Variants in DGKB observed in about 807,000 individuals in gnomAD.
The protein encoded by DGKB is diacylglycerol kinase beta, also known as 90 kDa diacylglycerol kinase.
A neutral mutation model predicts 114.3 loss-of-function variants in DGKB; 67 were observed. The observed-to-expected ratio is 0.59, with a 90% CI of 0.48 to 0.72. DGKB has a LOEUF of 0.72. Among genes scored for constraint, DGKB ranks in the 30% least tolerant of loss-of-function variants. The probability of loss-of-function intolerance (pLI) is 0.00; values close to 1 mark genes in which losing one functional copy is unlikely to be tolerated. For synonymous variants in DGKB, 398 were observed against 323.1 expected (o/e 1.23, Z -2.49); for missense variants, 907 against 975.2 (o/e 0.93, Z 0.93).
chr7:14,626,194 T>C, intron 14 of DGKB, among the ~76,000 whole-genome samples: 1 of 152,206 alleles, frequency 6.6e-6, no homozygotes, highest in East Asian at 1.9e-4. Context: ...ACCACAATAC[T>C]TAAGCCTGCT....
intron 13 of DGKB, among the ~76,000 whole-genome samples, chr7:14,633,460 A>G (rs1345398434): frequency 6.6e-6 from 1 of 151,912 alleles, no homozygotes; most frequent in Non-Finnish European, 1.5e-5. Context: ...CAAAATGTGT[A>G]AAGAGTTATA....
chr7:14,925,470 A>C (rs1784699404), intron 1 of DGKB, among the ~76,000 whole-genome samples: 1 of 152,172 alleles, frequency 6.6e-6, no homozygotes, highest in African/African-American at 2.4e-5. Flanking sequence ...GAAAGGGATT[A>C]AACTTATAGG....
At chr7:14,704,111 T>G (rs908960794) in intron 6 of DGKB, among the ~76,000 whole-genome samples, 3 of 151,904 alleles carry the variant, frequency 2.0e-5, no homozygotes, top group Admixed American at 1.3e-4. Flanking sequence ...CTACATCTTT[T>G]CTTTTGAATT....
intron 21 of DGKB, among the ~76,000 whole-genome samples, chr7:14,416,579 G>A (rs1825761959): frequency 6.6e-6 from 1 of 151,876 alleles, no homozygotes; most frequent in African/African-American, 2.4e-5. Context: ...TCATGGGGGT[G>A]GTTTCCCCCA....
chr7:14,318,175 T>TA (rs1451677316), intron 23 of DGKB, among the ~76,000 whole-genome samples: 1 of 106,106 alleles, frequency 9.4e-6, no homozygotes, highest in Non-Finnish European at 2.0e-5. Context: ...CCTAAAACCA[T>TA]AAAAACTCTA....
chr7:14,866,048 TC>T (rs1851664144), intron 1 of DGKB, among the ~76,000 whole-genome samples: 1 of 152,176 alleles, frequency 6.6e-6, no homozygotes, highest in South Asian at 2.1e-4. Flanking sequence ...GAAGGTTACT[TC>T]CAACACAAGA....
chr7:14,371,436 A>T (rs6953969), intron 21 of DGKB, among the ~76,000 whole-genome samples: 93,620 of 151,864 alleles, frequency 0.62, 28,943 homozygotes, highest in East Asian at 0.66. Context: ...ATGTTGAGTA[A>T]TTTTTCATGT....
At chr7:14,905,634 CCTT>C (rs1485927140), upstream of DGKB, among the ~76,000 whole-genome samples, 2 of 152,122 alleles carry the variant, frequency 1.3e-5, no homozygotes, top group African/African-American at 4.8e-5. Context: ...ATCTACATCT[CCTT>C]CATCATCAAA....
At chr7:14,588,800 G>A (rs149966876) in intron 17 of DGKB, among the ~76,000 whole-genome samples, 48 of 151,964 alleles carry the variant, frequency 3.2e-4, no homozygotes, top group African/African-American at 9.9e-4. Context: ...CCATACTCTC[G>A]CAATTACTAC....
intron 5 of DGKB, among the ~76,000 whole-genome samples, chr7:14,726,538 G>C (rs1396360756): frequency 6.6e-6 from 1 of 152,130 alleles, no homozygotes. Flanking sequence ...TTTGTTTTAA[G>C]AGTCTGGTTT....
intron 17 of DGKB, among the ~76,000 whole-genome samples, chr7:14,600,508 T>C (rs1441386916): frequency 1.3e-5 from 2 of 152,170 alleles, no homozygotes; most frequent in Non-Finnish European, 2.9e-5. Flanking sequence ...CTAACCGTCA[T>C]CTAAATAATA....
At chr7:14,783,893 A>G (rs565673890) in intron 2 of DGKB, among the ~76,000 whole-genome samples, 2 of 152,184 alleles carry the variant, frequency 1.3e-5, no homozygotes, top group African/African-American at 4.8e-5. Context: ...TATTTCACAC[A>G]CATAAAAGAA....
chr7:14,450,701 C>G (rs1156685848), intron 21 of DGKB, among the ~76,000 whole-genome samples: 1 of 152,052 alleles, frequency 6.6e-6, no homozygotes, highest in Non-Finnish European at 1.5e-5. Context: ...TTTCATCATT[C>G]TGTGCCATGG....
intron 2 of DGKB, among the ~76,000 whole-genome samples, chr7:14,825,722 C>G (rs927783557): frequency 6.6e-6 from 1 of 152,100 alleles, no homozygotes; most frequent in Admixed American, 6.6e-5. Flanking sequence ...GTATTGAGGA[C>G]CCCTGTTTTA....
chr7:14,379,158 T>G (rs897492121), intron 21 of DGKB, among the ~76,000 whole-genome samples: 1 of 152,168 alleles, frequency 6.6e-6, no homozygotes, highest in Non-Finnish European at 1.5e-5. Context: ...TTTTCTAAAT[T>G]TGTTATTTGT....
At chr7:14,887,350 G>T (rs552180746) in intron 1 of DGKB, among the ~76,000 whole-genome samples, 1 of 151,698 alleles carries the variant, frequency 6.6e-6, no homozygotes, top group Non-Finnish European at 1.5e-5. Context: ...GAGGCAGTGC[G>T]TTCTCTTGGC....
intron 1 of DGKB, among the ~76,000 whole-genome samples, chr7:14,895,828 G>C (rs556520941): frequency 6.6e-6 from 1 of 151,650 alleles, no homozygotes; most frequent in Non-Finnish European, 1.5e-5. Context: ...ACACACTAGG[G>C]AAGGCAAGAC....
At chr7:14,650,981 G>A (rs1425142915) in intron 13 of DGKB, among the ~76,000 whole-genome samples, 2 of 151,950 alleles carry the variant, frequency 1.3e-5, no homozygotes, top group Non-Finnish European at 2.9e-5. Flanking sequence ...CCAATAACAG[G>A]AGCTGAAACT....
At chr7:14,723,398 GGTTT>G (rs35832101) in intron 5 of DGKB, among the ~76,000 whole-genome samples, 1 of 151,288 alleles carries the variant, frequency 6.6e-6, no homozygotes, top group African/African-American at 2.4e-5. Flanking sequence ...AAAACAAAAG[GGTTT>G]GTTTGTTTTT....
Sources: allele counts gnomAD v4.1 joint callset (sites outside exome capture counted in the v4.1 genomes callset), GRCh38; gene constraint gnomAD v4.1.1; transcripts MANE v1.5; gene names NCBI Gene and HGNC (gene_info 2026-07-23, HGNC 2026-07-21).